RELN: variants seen among roughly 807,000 people sequenced by gnomAD.
RELN encodes the protein reelin.
RELN carries 108 observed loss-of-function variants against 427.6 expected under a neutral mutation model. That is an observed-to-expected ratio of 0.25 (90% CI 0.22 to 0.30). The LOEUF (loss-of-function observed/expected upper bound fraction) is 0.30. Among genes scored for constraint, RELN ranks in the 10% least tolerant of loss-of-function variants. The probability of loss-of-function intolerance (pLI) is 1.00; values close to 1 mark genes in which losing one functional copy is unlikely to be tolerated. For missense variants in RELN, 3,715 were observed against 4,302.8 expected, an observed-to-expected ratio of 0.86 and a Z score of 3.82; for synonymous variants, 1,524 against 1,513.4, an observed-to-expected ratio of 1.01 and a Z score of -0.16.
intron 2 of RELN, among the ~76,000 whole-genome samples, chr7:103,842,760 A>T (rs1793583685): frequency 6.6e-6 from 1 of 152,116 alleles, no homozygotes; most frequent in Non-Finnish European, 1.5e-5. Flanking sequence ...GTATCTATGG[A>T]CTTAAGTTAG....
intron 26 of RELN, 34 bp downstream of exon 26, chr7:103,594,287 T>A: frequency 6.3e-7 from 1 of 1,581,014 alleles, no homozygotes. Flanking sequence ...TTTATAATTA[T>A]CTGTCTTCTT....
chr7:103,607,169 C>T (rs913668578), intron 22 of RELN, among the ~76,000 whole-genome samples: 10 of 151,816 alleles, frequency 6.6e-5, no homozygotes, highest in South Asian at 6.2e-4. Context: ...GGGTGCAGCA[C>T]ACCAACATGG....
intron 30 of RELN, 84 bp from the exon 31 acceptor site, chr7:103,572,344 A>C (rs1830901563): frequency 2.6e-6 from 2 of 768,476 alleles, no homozygotes; most frequent in South Asian, 2.9e-5. Context: ...TTAGAAAAAA[A>C]CCCTCCTGTA....
chr7:103,926,949 C>G (rs1308826893), intron 1 of RELN, among the ~76,000 whole-genome samples: 2 of 152,070 alleles, frequency 1.3e-5, no homozygotes, highest in Non-Finnish European at 2.9e-5. Context: ...CCAGCCTAAG[C>G]TTTTTAAACA....
At chr7:103,887,589 C>T (rs1056458437) in intron 2 of RELN, among the ~76,000 whole-genome samples, 1 of 152,158 alleles carries the variant, frequency 6.6e-6, no homozygotes, top group Non-Finnish European at 1.5e-5. Flanking sequence ...TCATGATTTA[C>T]AGTCCACTCT....
intron 3 of RELN, among the ~76,000 whole-genome samples, chr7:103,778,858 T>C (rs544019493): frequency 1.1e-3 from 165 of 152,322 alleles, no homozygotes; most frequent in Non-Finnish European, 1.7e-3. Flanking sequence ...CAATGAATAA[T>C]AGAGAGGAGC....
chr7:103,476,865 T>C lies in RELN; in HGVS notation c.10286+1524A>G, dbSNP rs542277858. On this transcript the variant is annotated intron_variant, in intron 64 of 64. Transcript: ENST00000428762. ...GTACAGCTATAGATAACCTTATAAC[T>C]GAAATAAGAAGTGCAATGAACTTTT... is the stretch of plus-strand genomic sequence containing the variant. 406 of 175,260 alleles carry C rather than the reference T, an allele frequency of 2.3e-3. 3 individuals are homozygous for C. The highest frequency in any genetic ancestry group is 9.1e-3 in the African/African-American group (383 of 42,224). 10.9% of individuals were successfully genotyped at this position (175,260 alleles called of 1,614,324 possible).
chr7:103,558,141 T>C, intron 36 of RELN, 92 bp from the exon 37 acceptor site: 1 of 705,306 alleles, frequency 1.4e-6, no homozygotes, highest in Admixed American at 2.1e-5. Context: ...ATTAGCTAAG[T>C]AATAAATACA....
At chr7:103,537,239 T>C (rs1260026218) in intron 45 of RELN, among the ~76,000 whole-genome samples, 1 of 152,198 alleles carries the variant, frequency 6.6e-6, no homozygotes, top group African/African-American at 2.4e-5. Flanking sequence ...CATTATCTCA[T>C]ATCAATTTTA....
At chr7:103,517,627 A>C (rs1018652593) in intron 49 of RELN, among the ~76,000 whole-genome samples, 8 of 152,196 alleles carry the variant, frequency 5.3e-5, no homozygotes, top group African/African-American at 1.7e-4. Context: ...CCAAGGAAAC[A>C]GTTTACTTGG....
chr7:103,586,484 A>C (rs1338259099), intron 28 of RELN, among the ~76,000 whole-genome samples: 1 of 152,208 alleles, frequency 6.6e-6, no homozygotes, highest in Non-Finnish European at 1.5e-5. Context: ...CAATACAAGG[A>C]TGCTCACCCT....
chr7:103,623,116 T>A (rs555102039), intron 20 of RELN, among the ~76,000 whole-genome samples: 1 of 152,348 alleles, frequency 6.6e-6, no homozygotes, highest in East Asian at 1.9e-4. Context: ...ATACTGAGAA[T>A]ACTCTTCACA....
intron 1 of RELN, among the ~76,000 whole-genome samples, chr7:103,980,100 C>T (rs1247841989): frequency 2.0e-5 from 3 of 150,480 alleles, no homozygotes; most frequent in South Asian, 2.1e-4. Flanking sequence ...GCGGAGGTTT[C>T]GTTGACGGAA....
intron 64 of RELN, among the ~76,000 whole-genome samples, chr7:103,478,080 T>C (rs1197859685): frequency 6.6e-6 from 1 of 152,138 alleles, no homozygotes; most frequent in Non-Finnish European, 1.5e-5. Flanking sequence ...CCCAATACGG[T>C]GTCAAGCACA....
At chr7:103,933,108 C>T (rs1028477252) in intron 1 of RELN, among the ~76,000 whole-genome samples, 19 of 152,098 alleles carry the variant, frequency 1.2e-4, no homozygotes, top group African/African-American at 3.9e-4. Context: ...CTAGCTCACC[C>T]GACACTGAAC....
intron 4 of RELN, among the ~76,000 whole-genome samples, chr7:103,756,515 A>G (rs1189026297): frequency 1.3e-5 from 2 of 152,172 alleles, no homozygotes; most frequent in Non-Finnish European, 2.9e-5. Context: ...CAAAGCTGGT[A>G]ATAGTGTCTC....
intron 2 of RELN, among the ~76,000 whole-genome samples, chr7:103,906,646 T>G (rs182944910): frequency 6.6e-6 from 1 of 152,090 alleles, no homozygotes; most frequent in African/African-American, 2.4e-5. Flanking sequence ...TCATAAAGAG[T>G]TGGACTGGAA....
intron 10 of RELN, among the ~76,000 whole-genome samples, chr7:103,686,850 CAT>C (rs1408631492): frequency 2.0e-5 from 3 of 152,244 alleles, no homozygotes; most frequent in Non-Finnish European, 4.4e-5. Flanking sequence ...CGATTTCTCT[CAT>C]GAGGCAAAAT....
chr7:103,662,224 A>T (rs1430633734), intron 11 of RELN, among the ~76,000 whole-genome samples: 1 of 152,198 alleles, frequency 6.6e-6, no homozygotes, highest in Admixed American at 6.5e-5. Flanking sequence ...ATGACTAGCA[A>T]AGGAAGAGGA....
Sources: allele counts gnomAD v4.1 joint callset (sites outside exome capture counted in the v4.1 genomes callset), GRCh38; gene constraint gnomAD v4.1.1; transcripts MANE v1.5; gene names NCBI Gene and HGNC (gene_info 2026-07-23, HGNC 2026-07-21).